Variants in DNAAF11 observed in about 807,000 individuals in gnomAD.
The protein encoded by DNAAF11 is dynein axonemal assembly factor 11, also known as leucine rich repeat containing 6.
In DNAAF11, 45 loss-of-function variants were observed where a neutral mutation model predicts 60.8. The observed-to-expected ratio is 0.74, with a 90% confidence interval of 0.58 to 0.95. The LOEUF is 0.95. Ranked by LOEUF, DNAAF11 falls within the 40% of genes least tolerant of loss-of-function variation. The pLI, the probability that DNAAF11 is intolerant of heterozygous loss-of-function variation, is 0.00. For synonymous variants in DNAAF11, 191 were observed against 183.5 expected, an observed-to-expected ratio of 1.04 and a Z score of -0.33; for missense variants, 546 against 546.2, an observed-to-expected ratio of 1.00 and a Z score of 0.00.
chr8:132,699,226 A>C, the DNAAF11 span, among the ~76,000 whole-genome samples: 1 of 151,988 alleles, frequency 6.6e-6, no homozygotes, highest in South Asian at 2.1e-4. Context: ...CTAAGATGCT[A>C]GGGACATCTT....
At chr8:132,695,945 G>A in the DNAAF11 span, among the ~76,000 whole-genome samples, 5 of 152,180 alleles carry the variant, frequency 3.3e-5, no homozygotes, top group Admixed American at 2.6e-4. Context: ...GTGAAAAGGT[G>A]TCAGGACCAG....
intron 3 of DNAAF11, among the ~76,000 whole-genome samples, chr8:132,644,677 G>T (rs1170056309): frequency 3.3e-5 from 5 of 152,180 alleles, no homozygotes; most frequent in Non-Finnish European, 5.9e-5. Context: ...AGCACACCAG[G>T]AGATTATATC....
intron 10 of DNAAF11, chr8:132,608,389 C>A (rs1818323925): frequency 7.8e-6 from 3 of 385,720 alleles, no homozygotes; most frequent in African/African-American, 2.1e-5. Context: ...CATCTCCAAT[C>A]AAGCACTTCT....
intron 10 of DNAAF11, among the ~76,000 whole-genome samples, chr8:132,602,405 T>G (rs916664998): frequency 1.3e-5 from 2 of 152,124 alleles, no homozygotes; most frequent in Non-Finnish European, 2.9e-5. Context: ...TTTAGCACTG[T>G]CTTCTAGAGT....
At chr8:132,633,723 C>T (rs1235982630) in intron 4 of DNAAF11, among the ~76,000 whole-genome samples, 1 of 152,042 alleles carries the variant, frequency 6.6e-6, no homozygotes. Flanking sequence ...ATAAGGACCA[C>T]AGAGGTCCTT....
At chr8:132,636,733 T>C (rs2130519974) in intron 4 of DNAAF11, among the ~76,000 whole-genome samples, 1 of 152,356 alleles carries the variant, frequency 6.6e-6, no homozygotes, top group East Asian at 1.9e-4. Flanking sequence ...GTTCATTTTC[T>C]AGGAAATCAC....
chr8:132,579,328 T>C (rs763940002), intron 11 of DNAAF11, among the ~76,000 whole-genome samples: 2 of 152,002 alleles, frequency 1.3e-5, no homozygotes, highest in South Asian at 2.1e-4. Flanking sequence ...ATTTATTACT[T>C]ATAGACAGGC....
intron 1 of DNAAF11, 57 bp downstream of exon 1, chr8:132,675,427 C>A (rs1026610963): frequency 1.9e-6 from 3 of 1,539,622 alleles, no homozygotes; most frequent in Admixed American, 3.8e-5. Context: ...TCCCACGAGA[C>A]CCGGGACTAC....
chr8:132,676,183 C>T (rs1039000725), upstream of DNAAF11, among the ~76,000 whole-genome samples: 1 of 152,152 alleles, frequency 6.6e-6, no homozygotes, highest in Non-Finnish European at 1.5e-5. Context: ...ATCAATTTCC[C>T]TATTCTCCAC....
At chr8:132,595,667 C>A (rs1430624467) in intron 10 of DNAAF11, among the ~76,000 whole-genome samples, 1 of 152,114 alleles carries the variant, frequency 6.6e-6, no homozygotes, top group Non-Finnish European at 1.5e-5. Context: ...AATGTTTATC[C>A]AGATAGTGGG....
chr8:132,672,923 C>T (rs113280851), intron 1 of DNAAF11, among the ~76,000 whole-genome samples: 3,291 of 152,218 alleles, frequency 0.022, 130 homozygotes, highest in African/African-American at 0.075. Flanking sequence ...GATGAACTCT[C>T]GAGCACGGTC....
At chr8:132,589,041 A>C (rs1224739617) in intron 10 of DNAAF11, among the ~76,000 whole-genome samples, 4 of 152,136 alleles carry the variant, frequency 2.6e-5, no homozygotes, top group African/African-American at 7.2e-5. Context: ...ATTACATTTC[A>C]ACATGAGATT....
At chr8:132,674,084 G>C (rs1418391442) in intron 1 of DNAAF11, among the ~76,000 whole-genome samples, 1 of 146,250 alleles carries the variant, frequency 6.8e-6, no homozygotes, top group Non-Finnish European at 1.5e-5. Flanking sequence ...AGGAGGAGCA[G>C]GAGGAGGAGG....
At chr8:132,621,689 T>C (rs1819780236) in intron 7 of DNAAF11, among the ~76,000 whole-genome samples, 1 of 152,152 alleles carries the variant, frequency 6.6e-6, no homozygotes, top group South Asian at 2.1e-4. Flanking sequence ...TAGTGTTCTG[T>C]CTTGCATTCC....
At chr8:132,668,689 C>G (rs534171563) in intron 1 of DNAAF11, among the ~76,000 whole-genome samples, 10 of 152,178 alleles carry the variant, frequency 6.6e-5, no homozygotes, top group Non-Finnish European at 8.8e-5. Context: ...TGTTCCACCC[C>G]CCTCAGCCTC....
At chr8:132,702,868 G>A in the DNAAF11 span, among the ~76,000 whole-genome samples, 2 of 152,140 alleles carry the variant, frequency 1.3e-5, no homozygotes, top group African/African-American at 4.8e-5. Context: ...GCTACTCTTC[G>A]AAGGACACAG....
At chr8:132,689,277 G>A in the DNAAF11 span, among the ~76,000 whole-genome samples, 1 of 152,166 alleles carries the variant, frequency 6.6e-6, no homozygotes, top group African/African-American at 2.4e-5. Context: ...AAGCTATGAA[G>A]TACTTACGAA....
At chr8:132,643,687 C>A (rs1162694351) in intron 3 of DNAAF11, 1 of 455,970 alleles carries the variant, frequency 2.2e-6, no homozygotes, top group Non-Finnish European at 4.4e-6. Context: ...TAGATGACAT[C>A]TAAAATAGGA....
chr8:132,616,292 G>A (rs1175561710), intron 7 of DNAAF11, among the ~76,000 whole-genome samples: 1 of 152,094 alleles, frequency 6.6e-6, no homozygotes, highest in African/African-American at 2.4e-5. Context: ...TGTCCCTTAA[G>A]AAAAGGAGCG....
Sources: allele counts gnomAD v4.1 joint callset (sites outside exome capture counted in the v4.1 genomes callset), GRCh38; gene constraint gnomAD v4.1.1; transcripts MANE v1.5; gene names NCBI Gene and HGNC (gene_info 2026-07-23, HGNC 2026-07-21).